SNTG1: variants seen among roughly 807,000 people sequenced by gnomAD.
SNTG1 encodes the protein gamma-1-syntrophin.
Under a neutral mutation model 74.7 loss-of-function variants are expected in SNTG1, and 39 were observed. The observed-to-expected ratio is 0.52, with a 90% confidence interval of 0.40 to 0.68. The LOEUF is 0.68. Among genes scored for constraint, SNTG1 ranks in the 30% least tolerant of loss-of-function variants. SNTG1 has a pLI of 0.00. For missense variants in SNTG1, 685 were observed against 609.5 expected, an observed-to-expected ratio of 1.12 and a Z score of -1.30; for synonymous variants, 254 against 217.1, an observed-to-expected ratio of 1.17 and a Z score of -1.49.
chr8:50,559,899 C>T (rs2094477064), intron 12 of SNTG1, among the ~76,000 whole-genome samples: 1 of 152,150 alleles, frequency 6.6e-6, no homozygotes, highest in Non-Finnish European at 1.5e-5. Flanking sequence ...TAAAGAGTTT[C>T]TGCACAGCAA....
chr8:50,047,771 T>C (rs1423184070), intron 1 of SNTG1, among the ~76,000 whole-genome samples: 1 of 152,130 alleles, frequency 6.6e-6, no homozygotes, highest in African/African-American at 2.4e-5. Context: ...CCTGGGGGTG[T>C]CACATGCTAA....
chr8:50,400,046 G>A (rs1325734675), intron 3 of SNTG1, among the ~76,000 whole-genome samples: 1 of 152,140 alleles, frequency 6.6e-6, no homozygotes, highest in South Asian at 2.1e-4. Flanking sequence ...ATCAGCACAC[G>A]AGAACAAAAG....
Position 50,530,218 on chromosome 8 carries a change from T to C in SNTG1, c.508T>C (p.Cys170Arg). The change falls in exon 10 of 19, where the codon TGT (cysteine) becomes CGT (arginine). Residue 170 changes from cysteine to arginine, a missense_variant. Coordinates refer to ENST00000642720, the MANE Select transcript of SNTG1 (RefSeq NM_018967.5). ...DQSSGTSSPL[C>R]DSGLHLNYHP... ...GAGCAGTGGCACCTCCTCTCCTCTC[T>C]GTGACAGTGGCTTACATCTCAACTA... 1 of 1,613,828 alleles carries C rather than the reference T, an allele frequency of 6.2e-7. No homozygotes were observed. The highest frequency in any genetic ancestry group is 1.7e-5 in the Admixed American group (1 of 59,998).
At chr8:50,624,818 A>G (rs79550238) in intron 13 of SNTG1, among the ~76,000 whole-genome samples, 5,722 of 152,212 alleles carry the variant, frequency 0.038, 179 homozygotes, top group African/African-American at 0.076. Context: ...TCTTGAAATG[A>G]CAAGAAGTCA....
chr8:50,048,433 T>A (rs1819285263), intron 1 of SNTG1, among the ~76,000 whole-genome samples: 1 of 152,216 alleles, frequency 6.6e-6, no homozygotes, highest in African/African-American at 2.4e-5. Flanking sequence ...ATGATCCTCA[T>A]GTGCAGCATT....
intron 1 of SNTG1, among the ~76,000 whole-genome samples, chr8:50,159,063 G>A (rs757934688): frequency 6.6e-6 from 1 of 152,216 alleles, no homozygotes; most frequent in East Asian, 1.9e-4. Context: ...ACTAGTGGGC[G>A]TTGAGTGCTT....
chr8:50,675,624 G>A (rs975630337), intron 15 of SNTG1, among the ~76,000 whole-genome samples: 1 of 151,934 alleles, frequency 6.6e-6, no homozygotes, highest in African/African-American at 2.4e-5. Context: ...TTGCCAATCT[G>A]TGTCTTTTAA....
intron 1 of SNTG1, among the ~76,000 whole-genome samples, chr8:50,129,887 C>T (rs1432850004): frequency 6.6e-6 from 1 of 152,100 alleles, no homozygotes; most frequent in Non-Finnish European, 1.5e-5. Context: ...ATCCTCTTGC[C>T]TCCACCTCCC....
At chr8:50,705,945 A>C (rs1041372186) in intron 16 of SNTG1, among the ~76,000 whole-genome samples, 1 of 152,234 alleles carries the variant, frequency 6.6e-6, no homozygotes, top group African/African-American at 2.4e-5. Context: ...TGGACACTTA[A>C]TTTTGAAAAC....
intron 12 of SNTG1, among the ~76,000 whole-genome samples, chr8:50,586,460 T>C (rs980829888): frequency 6.6e-6 from 1 of 152,168 alleles, no homozygotes; most frequent in African/African-American, 2.4e-5. Flanking sequence ...GTTGAACTTA[T>C]CCTCATTCCC....
intron 2 of SNTG1, among the ~76,000 whole-genome samples, chr8:50,345,215 T>C (rs1376850325): frequency 6.6e-6 from 1 of 152,190 alleles, no homozygotes; most frequent in African/African-American, 2.4e-5. Context: ...TTTTATACAA[T>C]GGTGGAACAG....
intron 12 of SNTG1, among the ~76,000 whole-genome samples, chr8:50,554,692 G>GA (rs1167190206): frequency 6.6e-6 from 1 of 151,664 alleles, no homozygotes; most frequent in East Asian, 1.9e-4. Flanking sequence ...GAAAAACAAA[G>GA]AAAAAAATAG....
chr8:50,292,973 C>T (rs2089190138), intron 2 of SNTG1, among the ~76,000 whole-genome samples: 1 of 152,064 alleles, frequency 6.6e-6, no homozygotes, highest in South Asian at 2.1e-4. Flanking sequence ...TGAGGGAAGA[C>T]ACAGTGGGTT....
chr8:50,659,061 T>C (rs189483764), intron 15 of SNTG1, among the ~76,000 whole-genome samples: 90 of 152,280 alleles, frequency 5.9e-4, no homozygotes, highest in Middle Eastern at 3.4e-3. Flanking sequence ...GGGTGAGACC[T>C]GGAATTAGAA....
At chr8:50,669,493 A>G (rs567093934) in intron 15 of SNTG1, among the ~76,000 whole-genome samples, 1 of 152,174 alleles carries the variant, frequency 6.6e-6, no homozygotes. Flanking sequence ...TAAACCAGGA[A>G]GAAGTTGAAT....
At chr8:49,916,606 T>TA (rs1224825849) in intron 1 of SNTG1, among the ~76,000 whole-genome samples, 1 of 152,224 alleles carries the variant, frequency 6.6e-6, no homozygotes, top group Non-Finnish European at 1.5e-5. Flanking sequence ...TTTAGTTTTT[T>TA]AAAAGAATAA....
intron 15 of SNTG1, among the ~76,000 whole-genome samples, chr8:50,688,988 G>T (rs1440295528): frequency 1.3e-5 from 2 of 151,898 alleles, no homozygotes; most frequent in African/African-American, 2.4e-5. Flanking sequence ...TTGTAAATTG[G>T]ATTCCTAGGT....
intron 2 of SNTG1, among the ~76,000 whole-genome samples, chr8:50,212,976 T>G (rs4873427): frequency 6.6e-6 from 1 of 152,024 alleles, no homozygotes; most frequent in Non-Finnish European, 1.5e-5. Flanking sequence ...ATTTTAATGA[T>G]GCCTCTCCCA....
chr8:50,356,674 G>A (rs909789009), intron 2 of SNTG1, among the ~76,000 whole-genome samples: 1 of 151,900 alleles, frequency 6.6e-6, no homozygotes, highest in African/African-American at 2.4e-5. Context: ...TTTTTTAAGG[G>A]CCTCTAATCC....
Sources: allele counts gnomAD v4.1 joint callset (sites outside exome capture counted in the v4.1 genomes callset), GRCh38; gene constraint gnomAD v4.1.1; transcripts MANE v1.5; gene names NCBI Gene and HGNC (gene_info 2026-07-23, HGNC 2026-07-21).